Variants in NRG1 observed in about 807,000 individuals in gnomAD.
The protein encoded by NRG1 is pro-neuregulin-1, membrane-bound isoform.
In NRG1, 18 loss-of-function variants were observed where a neutral mutation model predicts 63.8. That is an observed-to-expected ratio of 0.28 (90% CI 0.19 to 0.42). NRG1 has a LOEUF of 0.42. NRG1 is among the 10% of genes least tolerant of loss of function. The probability of loss-of-function intolerance (pLI) is 1.00; values close to 1 mark genes in which losing one functional copy is unlikely to be tolerated. For synonymous variants in NRG1, 302 were observed against 301.3 expected, an observed-to-expected ratio of 1.00 and a Z score of -0.02; for missense variants, 762 against 814.7, an observed-to-expected ratio of 0.94 and a Z score of 0.79.
intron 1 of NRG1, among the ~76,000 whole-genome samples, chr8:31,724,066 TTGATAA>T (rs1272986431): frequency 3.3e-5 from 5 of 152,076 alleles, no homozygotes; most frequent in African/African-American, 1.2e-4. Flanking sequence ...TAAAAGTGAA[TTGATAA>T]TGATCATATA....
intron 5 of NRG1, among the ~76,000 whole-genome samples, chr8:32,693,422 T>A (rs1812369106): frequency 6.6e-6 from 1 of 151,952 alleles, no homozygotes; most frequent in Non-Finnish European, 1.5e-5. Flanking sequence ...TTTCACATGT[T>A]AGCCAGGATG....
intron 1 of NRG1, among the ~76,000 whole-genome samples, chr8:32,592,424 C>T (rs1192127837): frequency 6.6e-6 from 1 of 152,098 alleles, no homozygotes. Context: ...CTTTAATCTC[C>T]TTTAATCTAG....
intron 1 of NRG1, among the ~76,000 whole-genome samples, chr8:32,207,333 C>T (rs181766482): frequency 1.2e-4 from 19 of 152,080 alleles, no homozygotes; most frequent in Admixed American, 1.1e-3. Context: ...CTCTTAATGC[C>T]ATTACTCGTA....
intron 1 of NRG1, among the ~76,000 whole-genome samples, chr8:32,560,992 C>A (rs1363891379): frequency 6.6e-6 from 1 of 152,132 alleles, no homozygotes; most frequent in Non-Finnish European, 1.5e-5. Flanking sequence ...TTAAATATAA[C>A]TACAGTAGTC....
At chr8:31,982,697 G>T (rs2129631049) in intron 1 of NRG1, among the ~76,000 whole-genome samples, 1 of 152,084 alleles carries the variant, frequency 6.6e-6, no homozygotes, top group East Asian at 1.9e-4. Context: ...ATCACAGTCA[G>T]ATGTGGAGTC....
chr8:31,927,862 TTTA>T (rs781078172), intron 1 of NRG1, among the ~76,000 whole-genome samples: 15 of 150,358 alleles, frequency 1.0e-4, no homozygotes, highest in African/African-American at 2.4e-4. Context: ...TTTAAAAAAT[TTTA>T]TTATTATTAT....
intron 1 of NRG1, among the ~76,000 whole-genome samples, chr8:32,564,287 G>T (rs987278183): frequency 6.6e-6 from 1 of 152,206 alleles, no homozygotes; most frequent in Non-Finnish European, 1.5e-5. Flanking sequence ...GGTGCTTCAT[G>T]AATGGCCTAA....
chr8:32,155,191 A>G (rs996102852), intron 1 of NRG1, among the ~76,000 whole-genome samples: 1 of 152,200 alleles, frequency 6.6e-6, no homozygotes, highest in Non-Finnish European at 1.5e-5. Flanking sequence ...TGAGACTAAG[A>G]GTCAAGACAC....
At chr8:32,684,695 A>G (rs1283451075) in intron 5 of NRG1, among the ~76,000 whole-genome samples, 2 of 152,130 alleles carry the variant, frequency 1.3e-5, no homozygotes, top group Non-Finnish European at 2.9e-5. Context: ...TCAAATTTGA[A>G]CAGACAACTT....
At chr8:32,607,787 G>A (rs1425297835) in intron 3 of NRG1, among the ~76,000 whole-genome samples, 1 of 152,080 alleles carries the variant, frequency 6.6e-6, no homozygotes, top group Non-Finnish European at 1.5e-5. Context: ...TACCTGGCAA[G>A]AATAAAGAGA....
At chr8:32,147,845 G>T (rs73594183) in intron 1 of NRG1, among the ~76,000 whole-genome samples, 2,007 of 152,232 alleles carry the variant, frequency 0.013, 53 homozygotes, top group African/African-American at 0.045. Context: ...TTCTGTGGTA[G>T]AATTCAGCAT....
intron 1 of NRG1, among the ~76,000 whole-genome samples, chr8:32,393,615 A>G (rs1244449431): frequency 6.6e-6 from 1 of 152,246 alleles, no homozygotes; most frequent in Non-Finnish European, 1.5e-5. Context: ...CATTATCCTT[A>G]GCAAACTAAT....
rs376537761 is a variant in NRG1 at position 32,347,383 on chromosome 8, G to A, written c.38-248445G>A. 2.3e-3 allele frequency among the ~76,000 whole-genome samples: 343 copies of A among 152,202 alleles called. 1 individual carries two copies. The highest frequency in any genetic ancestry group is 7.7e-3 in the African/African-American group (321 of 41,530). ...CTTGCTTTGATGATAAATTCATTAA[G>A]GACAAGAACCCTGCAGGGTGTTCAA... On this transcript the variant is annotated intron_variant, in intron 1 of 10. Transcript: ENST00000519301.
chr8:31,649,888 C>T (rs1019189757), intron 1 of NRG1, among the ~76,000 whole-genome samples: 2 of 152,130 alleles, frequency 1.3e-5, no homozygotes, highest in African/African-American at 4.8e-5. Context: ...TTGCCTCTAC[C>T]CCAGCAATTT....
intron 1 of NRG1, among the ~76,000 whole-genome samples, chr8:31,894,546 C>CTTTCTTTTTTTTT (rs1563536134): frequency 1.0e-5 from 1 of 98,068 alleles, no homozygotes; most frequent in Non-Finnish European, 2.2e-5. Flanking sequence ...CTATTTCTTT[C>CTTTCTTTTTTTTT]TTTTTTCTTT....
chr8:31,923,737 G>A (rs750188193), intron 1 of NRG1, among the ~76,000 whole-genome samples: 1 of 151,720 alleles, frequency 6.6e-6, no homozygotes, highest in Non-Finnish European at 1.5e-5. Flanking sequence ...TGTCCATAGG[G>A]TACAAGTGCA....
intron 1 of NRG1, among the ~76,000 whole-genome samples, chr8:31,809,737 AATTG>A (rs1822671646): frequency 1.1e-5 from 1 of 95,188 alleles, no homozygotes; most frequent in East Asian, 2.6e-4. Flanking sequence ...TCCTTCTATT[AATTG>A]TTTTTTTTTT....
intron 1 of NRG1, among the ~76,000 whole-genome samples, chr8:32,524,667 T>C (rs1830649778): frequency 6.6e-6 from 1 of 152,154 alleles, no homozygotes; most frequent in Non-Finnish European, 1.5e-5. Flanking sequence ...TTGATGCCTC[T>C]GTCTATCATG....
At chr8:31,861,375 C>T (rs997941884) in intron 1 of NRG1, among the ~76,000 whole-genome samples, 2 of 152,054 alleles carry the variant, frequency 1.3e-5, no homozygotes, top group Non-Finnish European at 2.9e-5. Flanking sequence ...CATTCCTACA[C>T]TTGAGGCAGT....
Sources: allele counts gnomAD v4.1 joint callset (sites outside exome capture counted in the v4.1 genomes callset), GRCh38; gene constraint gnomAD v4.1.1; transcripts MANE v1.5; gene names NCBI Gene and HGNC (gene_info 2026-07-23, HGNC 2026-07-21).